Variants in CYS1 observed in about 807,000 individuals in gnomAD.
CYS1 encodes cystin 1.
Under a neutral mutation model 9.6 loss-of-function variants are expected in CYS1, and 5 were observed. That is an observed-to-expected ratio of 0.52 (90% confidence interval 0.27 to 1.10). CYS1 has a LOEUF of 1.10. CYS1 is among the 50% of genes least tolerant of loss of function. The pLI, the probability that CYS1 is intolerant of heterozygous loss-of-function variation, is 0.11. For missense variants in CYS1, 221 were observed against 207.9 expected (o/e 1.06, Z -0.39); for synonymous variants, 88 against 95.7 (o/e 0.92, Z 0.47).
intron 1 of CYS1, among the ~76,000 whole-genome samples, chr2:10,074,505 G>A (rs1661816797): frequency 6.6e-6 from 1 of 152,196 alleles, no homozygotes; most frequent in Non-Finnish European, 1.5e-5. Flanking sequence ...AGGCTGGGAA[G>A]ACACACAAGA....
intron 2 of CYS1, 103 bp from the exon 3 acceptor site, chr2:10,059,061 C>A: frequency 9.1e-7 from 1 of 1,103,546 alleles, no homozygotes; most frequent in Non-Finnish European, 1.3e-6. Context: ...CATCCTGAAA[C>A]CCAAACCGAA....
In CYS1 at chr2:10,063,297, T is replaced by G. The variant is rs1332792277; in HGVS notation, c.371+2607A>C. On this transcript the variant is annotated intron_variant, in intron 2 of 2. Transcript: ENST00000381813. This position sits in a 1 kb window ranked among gnomAD's most constrained non-coding sequence, Gnocchi z 4.2. ...GACCTACTACAGGAGAGGCCACATGTGGGAGGGGCTGGGAAGTTGCACCAT... is the reference window on the plus strand; with the variant it reads ...GACCTACTACAGGAGAGGCCACATGGGGGAGGGGCTGGGAAGTTGCACCAT... Among the ~76,000 whole-genome samples the G allele has an allele frequency of 6.6e-6, 1 of 151,808 alleles. No individual in the cohort carries two copies. The highest frequency in any genetic ancestry group is 1.5e-5 in the Non-Finnish European group (1 of 67,930).
intron 1 of CYS1, among the ~76,000 whole-genome samples, chr2:10,079,656 C>T (rs1343222155): frequency 4.6e-5 from 7 of 151,780 alleles, no homozygotes; most frequent in Non-Finnish European, 7.4e-5. Context: ...CGGCGCGCTC[C>T]GCCTAGGGGT....
intron 1 of CYS1, among the ~76,000 whole-genome samples, chr2:10,075,960 G>T (rs1159909754): frequency 2.6e-5 from 4 of 152,126 alleles, no homozygotes; most frequent in African/African-American, 9.7e-5. Flanking sequence ...GCCAAGGCAG[G>T]GGGACCACCT....
Position 10,080,255 on chromosome 2 carries a change from G to A in CYS1, c.-32C>T. The A allele has an allele frequency of 9.6e-7, 1 of 1,036,334 alleles. No individual in the cohort carries two copies. 64.2% of individuals were successfully genotyped at this position (1,036,334 alleles called of 1,614,324 possible). On this transcript the variant is annotated 5_prime_UTR_variant, in exon 1 of 3. Transcript: ENST00000381813. This position sits in a 1 kb window ranked among gnomAD's most constrained non-coding sequence, Gnocchi z 6.4. ...CCCGCCGCCTCCCGGACCGCCGAGG[G>A]GGCCCCCATGAGGGGGCGCGGCCGG...
Position 10,056,692 on chromosome 2 carries a change from G to A in CYS1, c.*2161C>T, listed in dbSNP as rs907209300. ...ACAGGAGGCACTGGGACAGACTCGG[G>A]CCGGGCTGCAGGCTGCAGCAACGCC... On this transcript the variant is annotated 3_prime_UTR_variant, in exon 3 of 3. Transcript: ENST00000381813. 1.3e-5 allele frequency: 2 copies of A among 152,294 alleles called. No homozygotes were observed. Among genetic ancestry groups the A allele is most frequent in the Non-Finnish European group, 2.9e-5 (2 of 68,074 alleles). 9.4% of individuals were successfully genotyped at this position (152,294 alleles called of 1,614,324 possible).
At chr2:10,061,514 G>A (rs984404292) in intron 2 of CYS1, among the ~76,000 whole-genome samples, 10 of 152,252 alleles carry the variant, frequency 6.6e-5, no homozygotes, top group Non-Finnish European at 1.2e-4. Flanking sequence ...TCACCAGGCA[G>A]CCCCCTGCTT....
intron 1 of CYS1, among the ~76,000 whole-genome samples, chr2:10,069,679 T>TA (rs201401265): frequency 1.8e-4 from 27 of 152,274 alleles, no homozygotes; most frequent in Admixed American, 5.2e-4. Context: ...AAAAAATATT[T>TA]AAAAAAAATT....
rs887579109 is a variant in CYS1 at position 10,076,474 on chromosome 2, T to A, written c.318+3432A>T. Among the ~76,000 whole-genome samples the A allele has an allele frequency of 2.6e-5, 4 of 152,068 alleles. No homozygotes were observed. The highest frequency in any genetic ancestry group is 6.6e-5 in the Admixed American group (1 of 15,252). The stretch of plus-strand genomic sequence containing the variant: ...TCCAGCCCAAGGCGCCTCCCACCAC[T>A]CTCTGACCCATCTCTCACCAAGGAC... On this transcript the variant is annotated intron_variant, in intron 1 of 2. Transcript: ENST00000381813. The surrounding 1 kb of genome is among the most constrained non-coding windows in gnomAD (Gnocchi z 4.3).
chr2:10,079,854 C>A, intron 1 of CYS1, 52 bp downstream of exon 1: 1 of 1,037,106 alleles, frequency 9.6e-7, no homozygotes, highest in Non-Finnish European at 1.2e-6. Flanking sequence ...GACGCGCGGC[C>A]GGTGAGTGGG....
intron 1 of CYS1, among the ~76,000 whole-genome samples, chr2:10,075,823 C>T (rs1490066183): frequency 1.3e-5 from 2 of 152,214 alleles, no homozygotes; most frequent in African/African-American, 4.8e-5. Context: ...ACGTACTTCC[C>T]TTGACCTTGA....
Position 10,058,956 on chromosome 2 carries a change from G to A in CYS1, c.374C>T (p.Ala125Val). Residue 125 changes from alanine (A) to valine (V), a missense_variant and splice_region_variant, in exon 3 of 3, where the codon GCC becomes GTC. By Grantham distance (64) the Ala-to-Val change is moderately conservative. Coordinates refer to ENST00000381813, the MANE Select transcript of CYS1 (RefSeq NM_001037160.3). Reference protein sequence around the residue: ...GHPGSGNVSEAPGSGRKKPER... With the variant: ...GHPGSGNVSEVPGSGRKKPER... The stretch of plus-strand genomic sequence containing the variant: ...GGGCTTCTTGCGACCGCTGCCTGGG[G>A]CTCTGTGGGTCAGAAATGGGACAGG... The A allele has an allele frequency of 1.3e-6, 2 of 1,580,570 alleles. No individual in the cohort carries two copies. The highest frequency in any genetic ancestry group is 1.7e-6 in the Non-Finnish European group (2 of 1,163,914).
chr2:10,070,190 C>T (rs527614391), intron 1 of CYS1, among the ~76,000 whole-genome samples: 6 of 152,282 alleles, frequency 3.9e-5, no homozygotes, highest in South Asian at 2.1e-4. Flanking sequence ...TTCATGCTCC[C>T]GTCTCCTCAC....
At chr2:10,072,999 T>C (rs540990661) in intron 1 of CYS1, among the ~76,000 whole-genome samples, 2 of 144,378 alleles carry the variant, frequency 1.4e-5, no homozygotes, top group Admixed American at 6.9e-5. Context: ...GTGGGAGCAG[T>C]GCAGATGTGT....
chr2:10,059,745 C>T (rs1438738519), intron 2 of CYS1, among the ~76,000 whole-genome samples: 1 of 152,240 alleles, frequency 6.6e-6, no homozygotes, highest in Non-Finnish European at 1.5e-5. Flanking sequence ...TGGCTGCTTG[C>T]CGACATCGGT....
intron 1 of CYS1, among the ~76,000 whole-genome samples, chr2:10,079,214 C>T (rs773001935): frequency 2.6e-5 from 4 of 152,222 alleles, no homozygotes; most frequent in Middle Eastern, 3.4e-3. Flanking sequence ...GGTAGCCACC[C>T]AGGAAGGCAT....
At chr2:10,079,206 T>C (rs1223789299) in intron 1 of CYS1, among the ~76,000 whole-genome samples, 4 of 152,136 alleles carry the variant, frequency 2.6e-5, no homozygotes, top group East Asian at 1.9e-4. Flanking sequence ...CTTGGTGCGG[T>C]AGCCACCCAG....
Position 10,058,634 on chromosome 2 carries a change from G to GGGCC in CYS1, c.*218_*219insGGCC. The GGGCC allele has an allele frequency of 2.2e-6, 1 of 458,360 alleles. No homozygotes were observed. The highest frequency in any genetic ancestry group is 3.9e-6 in the Non-Finnish European group (1 of 254,982). 28.4% of individuals were successfully genotyped at this position (458,360 alleles called of 1,614,324 possible). A position where few individuals can be genotyped will look rare whatever the true frequency, so the allele number is the denominator to read the frequency against. Reference sequence around the variant, plus strand: ...GCCGGCGGCCCAGGCCCACGCACCTGTGGGTCTACACAGCTAATCGCCCCC... The same window carrying GGGCC: ...GCCGGCGGCCCAGGCCCACGCACCTGGGCCTGGGTCTACACAGCTAATCGCCCCC... On this transcript the variant is annotated 3_prime_UTR_variant, in exon 3 of 3. Coordinates refer to ENST00000381813, the MANE Select transcript of CYS1 (RefSeq NM_001037160.3).
At chr2:10,066,038 C>T (rs1007507719) in intron 1 of CYS1, 82 bp from the exon 2 acceptor site, 19 of 1,469,896 alleles carry the variant, frequency 1.3e-5, no homozygotes, top group South Asian at 8.0e-5. Flanking sequence ...TGTGGACAGA[C>T]GATGGCCACC....
Sources: allele counts gnomAD v4.1 joint callset (sites outside exome capture counted in the v4.1 genomes callset), GRCh38; gene constraint gnomAD v4.1.1; non-coding constraint Gnocchi (gnomAD v3.1); transcripts MANE v1.5; gene names NCBI Gene and HGNC (gene_info 2026-07-23, HGNC 2026-07-21).